The following JAKMIP3 variants were observed in gnomAD, a reference collection of about 807,000 sequenced individuals.
JAKMIP3 encodes Janus kinase and microtubule interacting protein 3.
Under a neutral mutation model 118.5 loss-of-function variants are expected in JAKMIP3, and 58 were observed. The ratio of observed to expected loss-of-function variants is 0.49; its 90% CI spans 0.40 to 0.61. The LOEUF (loss-of-function observed/expected upper bound fraction) is 0.61. JAKMIP3 is among the 20% of genes least tolerant of loss of function. The pLI is 0.00. For synonymous variants in JAKMIP3, 486 were observed against 451.2 expected, an observed-to-expected ratio of 1.08 and a Z score of -0.98; for missense variants, 950 against 1,109.0, an observed-to-expected ratio of 0.86 and a Z score of 2.04.
chr10:132,038,475 C>T (rs778009595), intron 1 of JAKMIP3, among the ~76,000 whole-genome samples: 15 of 152,078 alleles, frequency 9.9e-5, no homozygotes, highest in Non-Finnish European at 1.8e-4. Flanking sequence ...TAAAAAAAGA[C>T]GACACAAAAG....
chr10:132,151,687 G>T (rs1183476956), intron 16 of JAKMIP3, among the ~76,000 whole-genome samples: 2 of 152,106 alleles, frequency 1.3e-5, no homozygotes, highest in Non-Finnish European at 2.9e-5. Context: ...AGAGTTGGGG[G>T]TACCCAGCCC....
intron 1 of JAKMIP3, among the ~76,000 whole-genome samples, chr10:132,074,652 G>A (rs73395769): frequency 1.3e-4 from 20 of 152,122 alleles, no homozygotes; most frequent in South Asian, 2.1e-4. Context: ...TCTGTCAATC[G>A]TTTCTTTTGC....
chr10:132,141,800 A>AC (rs558734668), intron 10 of JAKMIP3, 120 bp from the exon 11 acceptor site: 120 of 1,140,592 alleles, frequency 1.1e-4, no homozygotes, highest in Admixed American at 1.7e-4. Flanking sequence ...TGCTAGAGAG[A>AC]CCCCCCCATA....
At chr10:132,074,199 G>C (rs1298686305) in intron 1 of JAKMIP3, among the ~76,000 whole-genome samples, 3 of 152,154 alleles carry the variant, frequency 2.0e-5, no homozygotes, top group Non-Finnish European at 4.4e-5. Context: ...TTACAGGCAT[G>C]TGCCACCATG....
At chr10:132,111,539 G>A (rs1018742084) in intron 2 of JAKMIP3, among the ~76,000 whole-genome samples, 6 of 152,072 alleles carry the variant, frequency 3.9e-5, no homozygotes, top group Non-Finnish European at 5.9e-5. Flanking sequence ...GGGGCCATGC[G>A]GGTGTGGGGC....
intron 13 of JAKMIP3, among the ~76,000 whole-genome samples, chr10:132,147,492 C>A (rs533284573): frequency 3.8e-4 from 58 of 152,346 alleles, no homozygotes; most frequent in African/African-American, 1.2e-3. Context: ...CCGCTCCTTC[C>A]ATTGGGCACA....
intron 1 of JAKMIP3, among the ~76,000 whole-genome samples, chr10:132,071,812 C>A (rs865864136): frequency 2.2e-4 from 16 of 73,910 alleles, no homozygotes; most frequent in Non-Finnish European, 8.7e-5. Flanking sequence ...TCTTTCCTTT[C>A]CTTTCTTTTC....
chr10:132,056,539 G>A (rs1487831967), intron 1 of JAKMIP3, among the ~76,000 whole-genome samples: 2 of 152,174 alleles, frequency 1.3e-5, no homozygotes, highest in Non-Finnish European at 2.9e-5. Flanking sequence ...TCCTGCACCT[G>A]GTGTTCAGTG....
chr10:132,114,618 C>T (rs574973841), intron 2 of JAKMIP3, among the ~76,000 whole-genome samples: 73 of 152,222 alleles, frequency 4.8e-4, no homozygotes, highest in African/African-American at 1.7e-3. Context: ...TTTTAGAATC[C>T]ATTTGGAGAT....
chr10:132,149,284 GTTTTCATAAATGC>G lies in JAKMIP3; in HGVS notation c.1849-126_1849-114del, dbSNP rs1190814323. ...CCACCACTGCTGCCGCTGCGGTTTGGTTTTCATAAATGCTGTGTTGATCCCTGGTTCCATGGTC... is the reference window on the plus strand; with the variant it reads ...CCACCACTGCTGCCGCTGCGGTTTGGTGTGTTGATCCCTGGTTCCATGGTC... On this transcript the variant is annotated intron_variant, in intron 14 of 23. Transcript: ENST00000684848. 4 of 644,096 alleles carry G rather than the reference GTTTTCATAAATGC, an allele frequency of 6.2e-6. No homozygotes were observed. The East Asian group carries it at 8.8e-5, about 14-fold the overall frequency. 39.9% of individuals were successfully genotyped at this position (644,096 alleles called of 1,614,324 possible). A position where few individuals can be genotyped will look rare whatever the true frequency, so the allele number is the denominator to read the frequency against.
chr10:132,048,882 C>T (rs1204086985), intron 1 of JAKMIP3, among the ~76,000 whole-genome samples: 2 of 152,044 alleles, frequency 1.3e-5, no homozygotes, highest in South Asian at 2.1e-4. Flanking sequence ...CCTCGTGATC[C>T]GCCTGCCTTC....
At chr10:132,083,053 C>T (rs1481841558) in intron 1 of JAKMIP3, among the ~76,000 whole-genome samples, 1 of 152,182 alleles carries the variant, frequency 6.6e-6, no homozygotes, top group African/African-American at 2.4e-5. Context: ...GGTAGATACC[C>T]AGTAGTGGGA....
intron 1 of JAKMIP3, among the ~76,000 whole-genome samples, chr10:132,054,299 A>G (rs2038178195): frequency 6.6e-6 from 1 of 151,924 alleles, no homozygotes; most frequent in Admixed American, 6.6e-5. Flanking sequence ...AGGCCTGGGT[A>G]CCCTCTTTTT....
Position 132,163,421 on chromosome 10 carries a change from C to A in JAKMIP3, c.2424+9C>A, listed in dbSNP as rs745543321. 6.9e-6 allele frequency: 11 copies of A among 1,586,384 alleles called. No individual in the cohort carries two copies. The highest frequency in any genetic ancestry group is 9.4e-6 in the Non-Finnish European group (11 of 1,173,536). On this transcript the variant is annotated intron_variant, in intron 20 of 23. Transcript: ENST00000684848. ...TGCAGCTGGCTCAGCAGGTGTGTGG[C>A]AGGCGGGGGCAGGGCTGGCGTGAAG... is the stretch of plus-strand genomic sequence containing the variant.
intron 1 of JAKMIP3, among the ~76,000 whole-genome samples, chr10:132,099,682 G>A (rs1464357068): frequency 6.6e-6 from 1 of 152,142 alleles, no homozygotes; most frequent in Non-Finnish European, 1.5e-5. Flanking sequence ...TGTGTAAGAC[G>A]CCAAGTGCTT....
At chr10:132,088,559 T>G (rs1589782864) in intron 1 of JAKMIP3, among the ~76,000 whole-genome samples, 1 of 152,314 alleles carries the variant, frequency 6.6e-6, no homozygotes, top group Admixed American at 6.5e-5. Flanking sequence ...GGGTTGTTTG[T>G]TTTTTTCTTG....
chr10:132,128,975 C>T (rs901341325), intron 3 of JAKMIP3, among the ~76,000 whole-genome samples: 1 of 152,216 alleles, frequency 6.6e-6, no homozygotes, highest in African/African-American at 2.4e-5. Flanking sequence ...TGTGCTGCCA[C>T]AGACTTAGCT....
At chr10:132,067,887 T>C (rs2133919397) in intron 1 of JAKMIP3, among the ~76,000 whole-genome samples, 1 of 149,084 alleles carries the variant, frequency 6.7e-6, no homozygotes, top group African/African-American at 2.5e-5. Flanking sequence ...CCGTGTGGAC[T>C]GGACTGTGGG....
intron 1 of JAKMIP3, among the ~76,000 whole-genome samples, chr10:132,073,914 G>A (rs1055776066): frequency 2.0e-5 from 3 of 152,182 alleles, no homozygotes; most frequent in African/African-American, 7.2e-5. Context: ...GGATCAAATG[G>A]CAGTTCTACT....
Sources: gnomAD v4.1 joint callset for allele counts (sites outside exome capture counted in the v4.1 genomes callset) on GRCh38, gnomAD v4.1.1 for gene constraint, MANE v1.5 for transcripts, NCBI Gene and HGNC (gene_info 2026-07-23, HGNC 2026-07-21) for gene names.